Variants in HDAC9 observed in about 807,000 individuals in gnomAD.
The protein encoded by HDAC9 is MEF-2 interacting transcription repressor (MITR) protein.
In HDAC9, 41 loss-of-function variants were observed where a neutral mutation model predicts 139.4. The ratio of observed to expected loss-of-function variants is 0.29; its 90% CI spans 0.23 to 0.38. HDAC9 has a LOEUF of 0.38. HDAC9 is among the 10% of genes least tolerant of loss of function. The probability of loss-of-function intolerance (pLI) is 1.00; values close to 1 mark genes in which losing one functional copy is unlikely to be tolerated. For missense variants in HDAC9, 1,147 were observed against 1,297.0 expected, an observed-to-expected ratio of 0.88 and a Z score of 1.78; for synonymous variants, 517 against 476.2, an observed-to-expected ratio of 1.09 and a Z score of -1.12.
intron 16 of HDAC9, among the ~76,000 whole-genome samples, chr7:18,789,997 T>C (rs1394702207): frequency 1.3e-5 from 2 of 152,114 alleles, no homozygotes; most frequent in African/African-American, 2.4e-5. Flanking sequence ...ATTTTTACCA[T>C]TGAGAATATT....
chr7:18,378,163 A>ATGAT (rs1321934862), intron 1 of HDAC9, among the ~76,000 whole-genome samples: 2 of 152,182 alleles, frequency 1.3e-5, no homozygotes, highest in East Asian at 3.9e-4. Flanking sequence ...CACTGACTGA[A>ATGAT]TGATTGAGTG....
chr7:18,932,271 C>G (rs989265937), intron 22 of HDAC9, among the ~76,000 whole-genome samples: 3 of 152,152 alleles, frequency 2.0e-5, no homozygotes, highest in Admixed American at 2.0e-4. Context: ...ATTTACCGTA[C>G]CTTTTGGCAA....
At chr7:18,762,120 C>T in intron 14 of HDAC9, 37 bp from the exon 15 acceptor site, 1 of 1,611,330 alleles carries the variant, frequency 6.2e-7, no homozygotes, top group Non-Finnish European at 8.5e-7. Context: ...TAAATGTTGT[C>T]AGTGGTGTAC....
chr7:18,936,287 G>GA (rs11451343), intron 23 of HDAC9, among the ~76,000 whole-genome samples: 3,650 of 150,900 alleles, frequency 0.024, 145 homozygotes, highest in African/African-American at 0.078. Flanking sequence ...TTATTTCTGG[G>GA]AAAAAAAAAC....
At chr7:18,733,580 C>T (rs1021740625) in intron 13 of HDAC9, among the ~76,000 whole-genome samples, 2 of 151,380 alleles carry the variant, frequency 1.3e-5, no homozygotes, top group African/African-American at 4.8e-5. Context: ...AACTTGATCA[C>T]ATATATCATG....
chr7:18,516,821 A>C (rs1386821818), intron 2 of HDAC9, among the ~76,000 whole-genome samples: 1 of 144,914 alleles, frequency 6.9e-6, no homozygotes, highest in East Asian at 2.2e-4. Context: ...AGATCGTGCC[A>C]TTGCACTCCA....
intron 2 of HDAC9, among the ~76,000 whole-genome samples, chr7:18,203,600 A>T (rs1356477005): frequency 6.6e-6 from 1 of 152,216 alleles, no homozygotes; most frequent in Non-Finnish European, 1.5e-5. Flanking sequence ...TAATGAAGGA[A>T]CAGTTTTGGG....
intron 2 of HDAC9, among the ~76,000 whole-genome samples, chr7:18,174,654 T>G (rs1189334427): frequency 2.0e-5 from 3 of 151,656 alleles, no homozygotes; most frequent in African/African-American, 7.3e-5. Context: ...GTCCTTTCTG[T>G]TGATGTTGAT....
At chr7:18,233,353 G>T (rs556775467) in intron 2 of HDAC9, among the ~76,000 whole-genome samples, 98 of 151,864 alleles carry the variant, frequency 6.5e-4, no homozygotes, top group African/African-American at 2.2e-3. Flanking sequence ...TAGGAGTCCT[G>T]TTTCATCTCT....
At chr7:18,936,040 T>G in intron 23 of HDAC9, 98 bp downstream of exon 23, 1 of 1,137,178 alleles carries the variant, frequency 8.8e-7, no homozygotes, top group East Asian at 2.4e-5. Flanking sequence ...CTCAGAAAGC[T>G]TAACATTGCT....
At chr7:18,301,393 C>T (rs185866796) in intron 1 of HDAC9, among the ~76,000 whole-genome samples, 6 of 152,022 alleles carry the variant, frequency 3.9e-5, no homozygotes, top group South Asian at 4.2e-4. Context: ...TTAACCTTAA[C>T]CTGAAAATAA....
At chr7:18,723,700 ATACT>A (rs2308214) in intron 12 of HDAC9, among the ~76,000 whole-genome samples, 27,813 of 151,838 alleles carry the variant, frequency 0.18, 2,786 homozygotes, top group East Asian at 0.42. Context: ...AAGTAGAACA[ATACT>A]TACTTACTAT....
intron 1 of HDAC9, among the ~76,000 whole-genome samples, chr7:18,349,741 A>G (rs1368431947): frequency 6.6e-6 from 1 of 151,966 alleles, no homozygotes; most frequent in Non-Finnish European, 1.5e-5. Flanking sequence ...TTTACTTTTC[A>G]CGCCAACAGG....
At chr7:18,614,454 C>A (rs1838039437) in intron 6 of HDAC9, among the ~76,000 whole-genome samples, 1 of 152,140 alleles carries the variant, frequency 6.6e-6, no homozygotes, top group African/African-American at 2.4e-5. Flanking sequence ...TCTTTTCCCC[C>A]ACCTACTTTT....
At chr7:18,366,943 T>C (rs1284589320) in intron 1 of HDAC9, among the ~76,000 whole-genome samples, 1 of 152,072 alleles carries the variant, frequency 6.6e-6, no homozygotes, top group Non-Finnish European at 1.5e-5. Context: ...CCTATTAAAA[T>C]CTCCTACATT....
intron 1 of HDAC9, among the ~76,000 whole-genome samples, chr7:18,355,622 C>G (rs1165512881): frequency 6.6e-6 from 1 of 152,040 alleles, no homozygotes; most frequent in African/African-American, 2.4e-5. Context: ...ACATTAGAGA[C>G]AAATTTAACA....
intron 23 of HDAC9, among the ~76,000 whole-genome samples, chr7:18,937,409 T>G (rs765250586): frequency 3.9e-5 from 6 of 152,184 alleles, no homozygotes. Context: ...AACAAAGTGC[T>G]GCTGTTTCAG....
chr7:18,877,691 T>C (rs1230205618), intron 22 of HDAC9, among the ~76,000 whole-genome samples: 1 of 152,196 alleles, frequency 6.6e-6, no homozygotes, highest in African/African-American at 2.4e-5. Flanking sequence ...TTTGTTTGTT[T>C]TTAAACATTG....
intron 2 of HDAC9, among the ~76,000 whole-genome samples, chr7:18,163,684 G>C (rs975937849): frequency 1.1e-4 from 16 of 152,026 alleles, no homozygotes; most frequent in African/African-American, 3.6e-4. Context: ...TACAATTATA[G>C]TCTAGTACTA....
Sources: allele counts gnomAD v4.1 joint callset (sites outside exome capture counted in the v4.1 genomes callset), GRCh38; gene constraint gnomAD v4.1.1; transcripts MANE v1.5; gene names NCBI Gene and HGNC (gene_info 2026-07-23, HGNC 2026-07-21).